Variants in CCSER1 observed in about 807,000 individuals in gnomAD.
The protein encoded by CCSER1 is coiled-coil serine rich protein 1, also known as serine-rich coiled-coil domain-containing protein 1.
A neutral mutation model predicts 82.0 loss-of-function variants in CCSER1; 41 were observed. The ratio of observed to expected loss-of-function variants is 0.50; its 90% CI spans 0.39 to 0.65. The LOEUF is 0.65. Ranked by LOEUF, CCSER1 falls within the 30% of genes least tolerant of loss-of-function variation. The pLI is 0.00. For missense variants in CCSER1, 1,119 were observed against 1,064.2 expected (o/e 1.05, Z -0.72); for synonymous variants, 414 against 383.9 (o/e 1.08, Z -0.92).
chr4:90,287,874 G>T (rs1317923504), intron 1 of CCSER1, among the ~76,000 whole-genome samples: 1 of 151,512 alleles, frequency 6.6e-6, no homozygotes, highest in African/African-American at 2.4e-5. Context: ...CATTGTGATT[G>T]TGATTTTGAG....
intron 10 of CCSER1, among the ~76,000 whole-genome samples, chr4:91,303,309 A>G (rs1011074233): frequency 6.6e-6 from 1 of 152,046 alleles, no homozygotes; most frequent in Non-Finnish European, 1.5e-5. Context: ...CCAATCTTAT[A>G]TTAAAGAATT....
At chr4:90,507,284 C>T (rs1770832358) in intron 5 of CCSER1, among the ~76,000 whole-genome samples, 2 of 150,860 alleles carry the variant, frequency 1.3e-5, no homozygotes, top group South Asian at 2.1e-4. Flanking sequence ...TCCTTACTGC[C>T]CTTCCTTTGT....
chr4:90,486,288 T>C (rs1014490117), intron 5 of CCSER1, among the ~76,000 whole-genome samples: 15 of 152,250 alleles, frequency 9.9e-5, no homozygotes, highest in African/African-American at 3.6e-4. Context: ...TAACCTCTTA[T>C]GTATAGGTTC....
chr4:90,429,263 G>C (rs562978291), intron 4 of CCSER1, among the ~76,000 whole-genome samples: 21 of 151,726 alleles, frequency 1.4e-4, no homozygotes, highest in Non-Finnish European at 2.5e-4. Flanking sequence ...AAAAGATGTA[G>C]CCACATTGCC....
At chr4:90,281,945 T>G (rs1728940572) in intron 1 of CCSER1, among the ~76,000 whole-genome samples, 1 of 152,080 alleles carries the variant, frequency 6.6e-6, no homozygotes, top group East Asian at 1.9e-4. Context: ...TGCATTTCAC[T>G]CTCACACATT....
chr4:90,309,704 T>G, intron 2 of CCSER1, 96 bp downstream of exon 2: 2 of 928,758 alleles, frequency 2.2e-6, no homozygotes, highest in Non-Finnish European at 3.1e-6. Context: ...GAAACCACAT[T>G]TTTCTTGTTT....
chr4:90,897,042 T>A (rs1033969775), intron 8 of CCSER1, among the ~76,000 whole-genome samples: 7 of 152,022 alleles, frequency 4.6e-5, no homozygotes, highest in Admixed American at 6.6e-5. Flanking sequence ...CTTTTTTCTC[T>A]GAAAATTGTA....
intron 6 of CCSER1, among the ~76,000 whole-genome samples, chr4:90,648,311 A>AAGAAAGAAAGAAAGAAAGAAAGAAAGAT: frequency 6.6e-6 from 1 of 151,214 alleles, no homozygotes. Context: ...GAAAGAAAGA[A>AAGAAAGAAAGAAAGAAAGAAAGAAAGAT]AGAAAGAAAG....
intron 10 of CCSER1, among the ~76,000 whole-genome samples, chr4:91,412,734 G>A (rs1172772322): frequency 6.6e-6 from 1 of 151,980 alleles, no homozygotes; most frequent in Non-Finnish European, 1.5e-5. Flanking sequence ...TACATTCTGA[G>A]ACCAGTCTGT....
At chr4:90,229,850 A>G (rs1744084284) in intron 1 of CCSER1, among the ~76,000 whole-genome samples, 1 of 152,206 alleles carries the variant, frequency 6.6e-6, no homozygotes, top group Admixed American at 6.5e-5. Flanking sequence ...ACTTTAAACC[A>G]ACAAAGATCA....
chr4:91,585,921 G>A (rs1216227303), intron 10 of CCSER1, among the ~76,000 whole-genome samples: 4 of 151,760 alleles, frequency 2.6e-5, no homozygotes, highest in East Asian at 3.9e-4. Context: ...GAAGGTCAAT[G>A]GCATGATTAA....
Position 91,587,401 on chromosome 4 carries a change from T to A in CCSER1, c.2218-11171T>A, listed in dbSNP as rs184194465. ...AGATCTATCCTAAGCCAATATCTTATTACCATGTCTTTCCTTTTAACTGCA... is the reference window on the plus strand; with the variant it reads ...AGATCTATCCTAAGCCAATATCTTAATACCATGTCTTTCCTTTTAACTGCA... On this transcript the variant is annotated intron_variant, in intron 10 of 10. Transcript: ENST00000509176. 7.2e-5 allele frequency among the ~76,000 whole-genome samples: 11 copies of A among 151,870 alleles called. No individual in the cohort carries two copies. The East Asian group carries it at 2.1e-3, about 29-fold the overall frequency.
At chr4:91,237,329 T>C (rs528723601) in intron 10 of CCSER1, among the ~76,000 whole-genome samples, 2 of 151,584 alleles carry the variant, frequency 1.3e-5, no homozygotes, top group East Asian at 3.9e-4. Flanking sequence ...TATTACTTAT[T>C]TATCTCAAAA....
chr4:91,107,659 T>A (rs1725752978), intron 10 of CCSER1, among the ~76,000 whole-genome samples: 1 of 147,300 alleles, frequency 6.8e-6, no homozygotes, highest in South Asian at 2.1e-4. Context: ...TTTTTTTTGA[T>A]GTTTGAAAAG....
rs1434176018 is a variant in CCSER1 at position 91,457,917 on chromosome 4, GTATGA to G, written c.2218-140651_2218-140647del. On this transcript the variant is annotated intron_variant, in intron 10 of 10. Transcript: ENST00000509176. ...ATATGAAATTATATTAGATACAAGT[GTATGA>G]TATATGATGTCAGACTATGAACTGA... is the stretch of plus-strand genomic sequence containing the variant. Among the ~76,000 whole-genome samples the G allele has an allele frequency of 3.9e-5, 6 of 152,224 alleles. No individual in the cohort carries two copies. In the South Asian group the frequency reaches 1.0e-3, roughly 26 times the overall value.
At chr4:90,502,778 A>T (rs1340122951) in intron 5 of CCSER1, among the ~76,000 whole-genome samples, 1 of 152,220 alleles carries the variant, frequency 6.6e-6, no homozygotes, top group Non-Finnish European at 1.5e-5. Context: ...ACTTTTAAAC[A>T]CAGAGCTCTT....
chr4:90,495,733 T>G (rs1768887169), intron 5 of CCSER1, among the ~76,000 whole-genome samples: 1 of 152,154 alleles, frequency 6.6e-6, no homozygotes, highest in South Asian at 2.1e-4. Context: ...ATCATCATCT[T>G]CCATAAGGAG....
intron 3 of CCSER1, among the ~76,000 whole-genome samples, chr4:90,352,826 TAGTAA>T (rs947477931): frequency 1.3e-5 from 2 of 152,200 alleles, no homozygotes; most frequent in African/African-American, 4.8e-5. Flanking sequence ...TTAAGGCACT[TAGTAA>T]AGTATACTAT....
At chr4:91,061,470 G>A (rs186411331) in intron 9 of CCSER1, among the ~76,000 whole-genome samples, 66 of 152,096 alleles carry the variant, frequency 4.3e-4, no homozygotes, top group South Asian at 1.2e-3. Flanking sequence ...AATAACTACA[G>A]GAGATACTGG....
Sources: allele counts gnomAD v4.1 joint callset (sites outside exome capture counted in the v4.1 genomes callset), GRCh38; gene constraint gnomAD v4.1.1; transcripts MANE v1.5; gene names NCBI Gene and HGNC (gene_info 2026-07-23, HGNC 2026-07-21).